MAOA: variants seen among roughly 807,000 people sequenced by gnomAD.
MAOA encodes monoamine oxidase A, also known as amine oxidase [flavin-containing] A.
MAOA carries 6 observed loss-of-function variants against 42.0 expected under a neutral mutation model. That is an observed-to-expected ratio of 0.14 (90% CI 0.08 to 0.28). The LOEUF is 0.28. MAOA is among the 10% of genes least tolerant of loss of function. The probability of loss-of-function intolerance (pLI) is 1.00; values close to 1 mark genes in which losing one functional copy is unlikely to be tolerated. For synonymous variants in MAOA, 140 were observed against 154.0 expected (o/e 0.91, Z 0.67); for missense variants, 262 against 422.3 (o/e 0.62, Z 3.33).
chrX:43,693,068 C>T (rs988189865), intron 2 of MAOA, among the ~76,000 whole-genome samples: 2 of 112,001 alleles, frequency 1.8e-5, no homozygotes, highest in African/African-American at 3.2e-5. Flanking sequence ...ATTGGCCTTA[C>T]CAATAACTTT....
At chrX:43,679,012 C>A (rs2033422367) in intron 1 of MAOA, among the ~76,000 whole-genome samples, 3 of 111,489 alleles carry the variant, frequency 2.7e-5, no homozygotes, top group Non-Finnish European at 5.6e-5. Context: ...GTAGATTTTC[C>A]TAAATAACTT....
chrX:43,688,795 G>A (rs1398924373), intron 2 of MAOA, among the ~76,000 whole-genome samples: 1 of 111,279 alleles, frequency 9.0e-6, no homozygotes, highest in Non-Finnish European at 1.9e-5. Context: ...CTGTTCTACT[G>A]GGCACTTATC....
intron 1 of MAOA, among the ~76,000 whole-genome samples, chrX:43,656,669 A>G (rs1461682479): frequency 1.8e-5 from 2 of 111,462 alleles, no homozygotes; most frequent in Non-Finnish European, 3.8e-5. Flanking sequence ...CTTGCTGTGC[A>G]GTTGTATTTA....
chrX:43,661,860 T>C (rs758974699), intron 1 of MAOA, among the ~76,000 whole-genome samples: 23 of 111,681 alleles, frequency 2.1e-4, no homozygotes, highest in Non-Finnish European at 3.4e-4. Context: ...TTTTTGTCCA[T>C]CAGCTGAGCT....
Position 43,743,603 on chromosome X carries a change from T to G in MAOA, c.1263-191T>G, listed in dbSNP as rs2033976600. 5.3e-5 allele frequency: 25 copies of G among 471,084 alleles called. No individual in the cohort carries two copies. The East Asian group carries it at 9.4e-4, about 18-fold the overall frequency. 38.8% of individuals were successfully genotyped at this position (471,084 alleles called of 1,213,427 possible). Reference sequence around the variant, plus strand: ...TCTGATGGCCTGATTCTCCCTGACTTGAAAGTTCAGATCCTCTATGCAGAT... The same window carrying G: ...TCTGATGGCCTGATTCTCCCTGACTGGAAAGTTCAGATCCTCTATGCAGAT... On this transcript the variant is annotated intron_variant, in intron 12 of 14. Coordinates refer to ENST00000338702, the MANE Select transcript of MAOA (RefSeq NM_000240.4).
intron 1 of MAOA, among the ~76,000 whole-genome samples, chrX:43,657,453 C>T (rs1181096112): frequency 4.6e-5 from 5 of 109,555 alleles, no homozygotes; most frequent in African/African-American, 1.7e-4. Context: ...TTCTGATGAG[C>T]CAGTTGGTGG....
At chrX:43,718,896 C>T (rs1336861855) in intron 5 of MAOA, among the ~76,000 whole-genome samples, 3 of 110,516 alleles carry the variant, frequency 2.7e-5, no homozygotes, top group East Asian at 2.9e-4. Context: ...CTTCCATCCA[C>T]GACCCAGAGG....
At chrX:43,666,188 G>A (rs1307970791) in intron 1 of MAOA, among the ~76,000 whole-genome samples, 1 of 111,672 alleles carries the variant, frequency 9.0e-6, no homozygotes, top group Non-Finnish European at 1.9e-5. Context: ...TCCATCCTAG[G>A]GATGCAAAGA....
chrX:43,723,569 C>T (rs1483119297), intron 5 of MAOA, among the ~76,000 whole-genome samples: 1 of 111,853 alleles, frequency 8.9e-6, no homozygotes, highest in African/African-American at 3.3e-5. Flanking sequence ...TGCTTATCAA[C>T]TTAAGGAGAT....
chrX:43,743,899 T>C lies in MAOA; in HGVS notation c.1368T>C (p.Ala456=), dbSNP rs1423733374. 2 of 1,169,210 alleles carry C rather than the reference T, an allele frequency of 1.7e-6. No individual in the cohort carries two copies. Among genetic ancestry groups the C allele is most frequent in the African/African-American group, 3.6e-5 (2 of 56,248 alleles). Residue 456 remains alanine (A), a synonymous_variant, in exon 13 of 15, where the codon GCT becomes GCC. Coordinates refer to ENST00000338702, the MANE Select transcript of MAOA (RefSeq NM_000240.4). ...CAGTTGAGGCTGGAGAACGAGCAGC[T>C]AGGGAGGTAAGCAGGAAAGCCCAGG... ...EGAVEAGERA[A]REVLNGLGKV...
At chrX:43,712,675 A>G (rs1271854456) in intron 4 of MAOA, 30 bp from the exon 5 acceptor site, 1 of 1,060,460 alleles carries the variant, frequency 9.4e-7, no homozygotes, top group Non-Finnish European at 1.3e-6. Flanking sequence ...GTTACCATCA[A>G]ACCTGAGAGG....
chrX:43,745,895 T>C lies in MAOA; in HGVS notation c.*1382T>C, dbSNP rs1427649475. On this transcript the variant is annotated 3_prime_UTR_variant, in exon 15 of 15. Coordinates refer to ENST00000338702, the MANE Select transcript of MAOA (RefSeq NM_000240.4). ...GAAACCAGCCAACCCAAGTTTATTA[T>C]ATCATTAACCTTATCATAAATTCAA... The C allele has an allele frequency of 8.9e-6, 1 of 112,100 alleles. No individual in the cohort carries two copies. Among genetic ancestry groups the C allele is most frequent in the East Asian group, 2.8e-4 (1 of 3,579 alleles). The allele number at this position is 112,100 out of a possible 1,213,427, so 9.2% of individuals were successfully genotyped here.
At chrX:43,658,077 C>G (rs1045314197) in intron 1 of MAOA, 1 of 273,027 alleles carries the variant, frequency 3.7e-6, no homozygotes, top group Admixed American at 9.3e-5. Context: ...ACTGCTGTTT[C>G]CCAAAATCTG....
At chrX:43,707,846 G>T (rs764246911) in intron 3 of MAOA, among the ~76,000 whole-genome samples, 7 of 111,751 alleles carry the variant, frequency 6.3e-5, no homozygotes, top group Non-Finnish European at 1.3e-4. Flanking sequence ...AGCTTCCCCA[G>T]TGACTTATGA....
intron 3 of MAOA, among the ~76,000 whole-genome samples, chrX:43,700,905 C>T (rs1353220340): frequency 9.0e-6 from 1 of 111,389 alleles, no homozygotes; most frequent in Non-Finnish European, 1.9e-5. Context: ...AAAAACAAAA[C>T]AAAACAAAAA....
upstream of MAOA, chrX:43,655,136 C>CACCGGCACCAGT (rs2033165580): frequency 8.4e-6 from 1 of 119,367 alleles, no homozygotes; most frequent in African/African-American, 3.2e-5. Flanking sequence ...CCAGTACCGG[C>CACCGGCACCAGT]ACCGGCACCA....
At chrX:43,678,022 A>G (rs2033414559) in intron 1 of MAOA, among the ~76,000 whole-genome samples, 1 of 112,195 alleles carries the variant, frequency 8.9e-6, no homozygotes, top group African/African-American at 3.2e-5. Flanking sequence ...CACATCTCCT[A>G]CATCCCAATG....
intron 1 of MAOA, among the ~76,000 whole-genome samples, chrX:43,671,972 A>C (rs1199953794): frequency 1.9e-4 from 21 of 110,621 alleles, no homozygotes; most frequent in South Asian, 1.2e-3. Flanking sequence ...TTTTCCAATT[A>C]TGTGAAGAAA....
intron 5 of MAOA, among the ~76,000 whole-genome samples, chrX:43,715,822 T>A (rs771156552): frequency 1.3e-4 from 14 of 110,383 alleles, no homozygotes; most frequent in Non-Finnish European, 2.3e-4. Context: ...GAGGGCATGT[T>A]ACTTCTCAGG....
Sources: allele counts gnomAD v4.1 joint callset (sites outside exome capture counted in the v4.1 genomes callset), GRCh38; gene constraint gnomAD v4.1.1; transcripts MANE v1.5; gene names NCBI Gene and HGNC (gene_info 2026-07-23, HGNC 2026-07-21).